The following MED12L variants were observed in gnomAD, a reference collection of about 807,000 sequenced individuals.
The protein encoded by MED12L is mediator complex subunit 12L.
MED12L carries 60 observed loss-of-function variants against 281.3 expected under a neutral mutation model. That is an observed-to-expected ratio of 0.21 (90% CI 0.17 to 0.26). MED12L has a LOEUF of 0.26. MED12L is among the 10% of genes least tolerant of loss of function. The probability of loss-of-function intolerance (pLI) is 1.00; values close to 1 mark genes in which losing one functional copy is unlikely to be tolerated. For missense variants in MED12L, 2,146 were observed against 2,680.9 expected, an observed-to-expected ratio of 0.80 and a Z score of 4.41; for synonymous variants, 974 against 987.2, an observed-to-expected ratio of 0.99 and a Z score of 0.25.
chr3:151,189,513 C>T (rs958450848), intron 13 of MED12L, among the ~76,000 whole-genome samples: 1 of 152,210 alleles, frequency 6.6e-6, no homozygotes, highest in African/African-American at 2.4e-5. Flanking sequence ...CTCGTTTCTT[C>T]CCCATTCTTG....
At chr3:151,309,803 AC>A (rs1470067014) in intron 16 of MED12L, among the ~76,000 whole-genome samples, 1 of 152,178 alleles carries the variant, frequency 6.6e-6, no homozygotes, top group Non-Finnish European at 1.5e-5. Flanking sequence ...GTTCAAAAAC[AC>A]CTTTGACTTA....
intron 16 of MED12L, chr3:151,294,830 C>A: frequency 6.2e-7 from 1 of 1,614,002 alleles, no homozygotes; most frequent in Non-Finnish European, 8.5e-7. Flanking sequence ...CTTCAGATAG[C>A]GATCAATGCT....
chr3:151,362,819 C>G (rs1754785769), intron 21 of MED12L, among the ~76,000 whole-genome samples: 1 of 152,012 alleles, frequency 6.6e-6, no homozygotes, highest in Admixed American at 6.6e-5. Flanking sequence ...CAAAATAATC[C>G]TTTGTGAAAT....
chr3:151,150,291 A>G (rs531079576), intron 5 of MED12L, among the ~76,000 whole-genome samples: 1 of 152,318 alleles, frequency 6.6e-6, no homozygotes, highest in South Asian at 2.1e-4. Context: ...CTCCTTGTAC[A>G]TCTCCATCAG....
At chr3:151,218,854 A>C (rs1445007780) in intron 16 of MED12L, among the ~76,000 whole-genome samples, 1 of 133,054 alleles carries the variant, frequency 7.5e-6, no homozygotes, top group African/African-American at 2.9e-5. Flanking sequence ...GTGACAGAGC[A>C]AGACTCAGTC....
At chr3:151,242,495 C>G (rs917072374) in intron 16 of MED12L, among the ~76,000 whole-genome samples, 7 of 152,328 alleles carry the variant, frequency 4.6e-5, no homozygotes, top group South Asian at 2.1e-4. Context: ...AGGCACCCCC[C>G]AGCAGGGGCA....
Position 151,352,060 on chromosome 3 carries a change from A to C in MED12L, c.2398+1854A>C, listed in dbSNP as rs1034345713. ...ACATTTTTGAATATTTGCATATATA[A>C]TGAGAAATCTTGGGGATGAGACCCA... is the stretch of plus-strand genomic sequence containing the variant. On this transcript the variant is annotated intron_variant, in intron 17 of 44. Coordinates refer to ENST00000687756, the MANE Select transcript of MED12L (RefSeq NM_001393769.1). Among the ~76,000 whole-genome samples the C allele has an allele frequency of 2.6e-5, 4 of 152,340 alleles. No homozygotes were observed. The South Asian group carries it at 8.3e-4, about 32-fold the overall frequency.
intron 16 of MED12L, chr3:151,200,910 C>T (rs1324104614): frequency 6.6e-6 from 1 of 152,170 alleles, no homozygotes; most frequent in African/African-American, 2.4e-5. Context: ...GTTACTTACC[C>T]AAGGTTGTGT....
intron 16 of MED12L, among the ~76,000 whole-genome samples, chr3:151,281,283 G>A (rs1242054026): frequency 2.1e-5 from 3 of 144,754 alleles, no homozygotes; most frequent in South Asian, 2.2e-4. Flanking sequence ...GGTGGAGTTC[G>A]CCTGTGATCC....
chr3:151,255,503 T>C (rs1737654248), intron 16 of MED12L, among the ~76,000 whole-genome samples: 1 of 152,116 alleles, frequency 6.6e-6, no homozygotes, highest in South Asian at 2.1e-4. Context: ...CCACCAACTT[T>C]GGTTCTGCCA....
intron 5 of MED12L, among the ~76,000 whole-genome samples, chr3:151,128,232 G>A (rs1055718342): frequency 6.6e-6 from 1 of 152,128 alleles, no homozygotes. Flanking sequence ...CACCACCACA[G>A]CTGTTGAAAT....
chr3:151,145,964 A>G (rs997291908), intron 5 of MED12L, among the ~76,000 whole-genome samples: 1 of 152,164 alleles, frequency 6.6e-6, no homozygotes, highest in African/African-American at 2.4e-5. Flanking sequence ...GGTTTCCCCT[A>G]CAACTTCCTG....
chr3:151,191,885 A>G (rs1346936636), intron 14 of MED12L, among the ~76,000 whole-genome samples: 3 of 152,158 alleles, frequency 2.0e-5, no homozygotes, highest in African/African-American at 7.2e-5. Flanking sequence ...CAGCCTGGGC[A>G]ACAAGAGCAA....
intron 19 of MED12L, 117 bp downstream of exon 19, chr3:151,356,156 T>G: frequency 9.7e-7 from 1 of 1,032,740 alleles, no homozygotes; most frequent in Non-Finnish European, 1.4e-6. Flanking sequence ...TCCTGGCACT[T>G]TGGGAGGCCG....
chr3:151,362,120 T>C lies in MED12L; in HGVS notation c.2957+1515T>C, dbSNP rs114172807. Among the ~76,000 whole-genome samples, 1,247 of 152,086 alleles carry C rather than the reference T, an allele frequency of 8.2e-3. 25 individuals carry two copies. Among genetic ancestry groups the C allele is most frequent in the African/African-American group, 0.029 (1,204 of 41,494 alleles). ...CCAAGCATCTCTAGAACCTGCCCAT[T>C]CTTCACCCTCTCTTTACCGCTGTGG... is the stretch of plus-strand genomic sequence containing the variant. On this transcript the variant is annotated intron_variant, in intron 21 of 44. Coordinates refer to ENST00000687756, the MANE Select transcript of MED12L (RefSeq NM_001393769.1).
At chr3:151,134,968 T>C (rs769237879) in intron 5 of MED12L, among the ~76,000 whole-genome samples, 2 of 152,156 alleles carry the variant, frequency 1.3e-5, no homozygotes, top group Non-Finnish European at 2.9e-5. Flanking sequence ...ATTATTGTTA[T>C]GACTCTTTCC....
At chr3:151,157,588 C>G (rs1560103433) in intron 6 of MED12L, among the ~76,000 whole-genome samples, 1 of 152,058 alleles carries the variant, frequency 6.6e-6, no homozygotes, top group Non-Finnish European at 1.5e-5. Context: ...ATTTAGAACT[C>G]ACTTTATTGG....
At chr3:151,095,736 C>CT (rs979206790) in intron 2 of MED12L, among the ~76,000 whole-genome samples, 4 of 151,062 alleles carry the variant, frequency 2.6e-5, no homozygotes, top group Admixed American at 6.6e-5. Context: ...ACTTTTTTTT[C>CT]TTTTTTTTTA....
chr3:151,190,484 T>G (rs1723829852), intron 13 of MED12L, among the ~76,000 whole-genome samples: 1 of 152,206 alleles, frequency 6.6e-6, no homozygotes, highest in Non-Finnish European at 1.5e-5. Flanking sequence ...GACTACTATC[T>G]TTAAACTTGT....
Sources: gnomAD v4.1 joint callset for allele counts (sites outside exome capture counted in the v4.1 genomes callset) on GRCh38, gnomAD v4.1.1 for gene constraint, MANE v1.5 for transcripts, NCBI Gene and HGNC (gene_info 2026-07-23, HGNC 2026-07-21) for gene names.